The following NPNT variants were observed in gnomAD, a reference collection of about 807,000 sequenced individuals.
NPNT encodes nephronectin.
NPNT carries 45 observed loss-of-function variants against 68.6 expected under a neutral mutation model. That is an observed-to-expected ratio of 0.66 (90% CI 0.52 to 0.84). NPNT has a LOEUF of 0.84. NPNT is among the 40% of genes least tolerant of loss of function. The pLI, the probability that NPNT is intolerant of heterozygous loss-of-function variation, is 0.00. For missense variants in NPNT, 672 were observed against 714.8 expected, an observed-to-expected ratio of 0.94 and a Z score of 0.68; for synonymous variants, 233 against 253.3, an observed-to-expected ratio of 0.92 and a Z score of 0.76.
chr4:105,967,925 A>T (rs1732302997), intron 11 of NPNT, among the ~76,000 whole-genome samples: 1 of 152,120 alleles, frequency 6.6e-6, no homozygotes, highest in South Asian at 2.1e-4. Flanking sequence ...ATCACAGTTA[A>T]GCAGCGTAGG....
At chr4:105,962,085 T>C (rs550127705) in intron 10 of NPNT, among the ~76,000 whole-genome samples, 20 of 152,306 alleles carry the variant, frequency 1.3e-4, no homozygotes, top group African/African-American at 4.8e-4. Context: ...TTTTAGTGTG[T>C]AATGAAATCA....
chr4:105,907,320 G>A (rs995493277), intron 2 of NPNT, among the ~76,000 whole-genome samples: 1 of 152,114 alleles, frequency 6.6e-6, no homozygotes, highest in African/African-American at 2.4e-5. Flanking sequence ...AAAGCAAATA[G>A]TGATTTTAAA....
intron 2 of NPNT, among the ~76,000 whole-genome samples, chr4:105,922,926 T>C (rs537639583): frequency 1.3e-5 from 2 of 152,202 alleles, no homozygotes; most frequent in Non-Finnish European, 2.9e-5. Flanking sequence ...CATATTTGGA[T>C]GCTAGTGATA....
At chr4:105,928,425 C>T (rs929353218) in intron 3 of NPNT, among the ~76,000 whole-genome samples, 1 of 151,896 alleles carries the variant, frequency 6.6e-6, no homozygotes, top group African/African-American at 2.4e-5. Flanking sequence ...ACCAGCCTGA[C>T]CAACATGGAG....
chr4:105,925,040 T>G (rs1728581513), intron 2 of NPNT, among the ~76,000 whole-genome samples: 2 of 152,172 alleles, frequency 1.3e-5, no homozygotes, highest in African/African-American at 4.8e-5. Context: ...AAAAAGAATT[T>G]TTTTAAGCTG....
At position 105,895,513 on chromosome 4, in the gene NPNT, C is replaced by G; in HGVS notation, c.-140C>G. 2.9e-6 allele frequency: 2 copies of G among 681,068 alleles called. No homozygotes were observed. Among genetic ancestry groups the G allele is most frequent in the East Asian group, 3.0e-5 (1 of 33,460 alleles). The allele number at this position is 681,068 out of a possible 1,614,324, so 42.2% of individuals were successfully genotyped here. A position where few individuals can be genotyped will look rare whatever the true frequency, so the allele number is the denominator to read the frequency against. On this transcript the variant is annotated 5_prime_UTR_variant, in exon 1 of 12. Transcript: ENST00000379987. Reference sequence around the variant, plus strand: ...CGGCCGCGCGCCTCGCCGCTGTCCTCCGGGAGCGGCAGCAGTAGCCCGGGC... The same window carrying G: ...CGGCCGCGCGCCTCGCCGCTGTCCTGCGGGAGCGGCAGCAGTAGCCCGGGC...
rs907930265 is a variant in NPNT, at chr4:105,969,132, T to C, written c.*142T>C. The C allele has an allele frequency of 1.7e-6, 1 of 582,844 alleles. No homozygotes were observed. The highest frequency in any genetic ancestry group is 3.0e-6 in the Non-Finnish European group (1 of 329,988). The allele number at this position is 582,844 out of a possible 1,614,324, so 36.1% of individuals were successfully genotyped here. A position where few individuals can be genotyped will look rare whatever the true frequency, so the allele number is the denominator to read the frequency against. ...AAGGAAGTCTATTTGGTGACCCAGG[T>C]TTTTCTGGCCTGCTTTTGTGCAATC... On this transcript the variant is annotated 3_prime_UTR_variant, in exon 12 of 12. Coordinates refer to ENST00000379987, the MANE Select transcript of NPNT (RefSeq NM_001033047.3).
rs933228173 is a variant in NPNT at position 105,970,931 on chromosome 4, G to A, written c.*1941G>A. On this transcript the variant is annotated 3_prime_UTR_variant, in exon 12 of 12. Transcript: ENST00000379987. ...CTCACTGAAATATCTCTCCCTTATGGCAATCCTAGCAGTATTAAAGAAAAA... is the reference window on the plus strand; with the variant it reads ...CTCACTGAAATATCTCTCCCTTATGACAATCCTAGCAGTATTAAAGAAAAA... 1.3e-5 allele frequency: 4 copies of A among 305,664 alleles called. No individual in the cohort carries two copies. The highest frequency in any genetic ancestry group is 2.6e-5 in the Non-Finnish European group (4 of 153,838). 18.9% of individuals were successfully genotyped at this position (305,664 alleles called of 1,614,324 possible). A position where few individuals can be genotyped will look rare whatever the true frequency, so the allele number is the denominator to read the frequency against.
intron 2 of NPNT, among the ~76,000 whole-genome samples, chr4:105,903,048 C>G (rs1401130527): frequency 1.3e-5 from 2 of 152,186 alleles, no homozygotes; most frequent in Non-Finnish European, 2.9e-5. Flanking sequence ...GCAACTAGAT[C>G]TGTCCTCAAA....
chr4:105,958,580 C>T (rs914289271), intron 9 of NPNT, 23 bp downstream of exon 9: 4 of 1,267,022 alleles, frequency 3.2e-6, no homozygotes, highest in Non-Finnish European at 3.4e-6. Flanking sequence ...CTCTTAGTGC[C>T]ATCATAATGA....
intron 11 of NPNT, among the ~76,000 whole-genome samples, chr4:105,968,323 A>G (rs1221013171): frequency 2.0e-5 from 3 of 152,224 alleles, no homozygotes; most frequent in Non-Finnish European, 4.4e-5. Context: ...ATTTTAAATC[A>G]TAGCACTTAG....
At chr4:105,961,662 G>A (rs1731726773) in intron 10 of NPNT, among the ~76,000 whole-genome samples, 1 of 152,154 alleles carries the variant, frequency 6.6e-6, no homozygotes, top group African/African-American at 2.4e-5. Context: ...TTAGAAATTA[G>A]AATGGTAGAC....
chr4:105,918,323 G>C (rs879690071), intron 2 of NPNT, among the ~76,000 whole-genome samples: 18 of 152,118 alleles, frequency 1.2e-4, no homozygotes, highest in Non-Finnish European at 2.1e-4. Context: ...AGAGATTTTG[G>C]TTGCTAAAAA....
intron 8 of NPNT, among the ~76,000 whole-genome samples, chr4:105,949,712 A>G (rs1344501029): frequency 6.6e-6 from 1 of 152,232 alleles, no homozygotes; most frequent in Non-Finnish European, 1.5e-5. Flanking sequence ...AATCTTATAT[A>G]ACTATTAAAC....
intron 7 of NPNT, 37 bp from the exon 8 acceptor site, chr4:105,942,270 A>G: frequency 6.6e-7 from 1 of 1,506,500 alleles, no homozygotes; most frequent in Non-Finnish European, 9.0e-7. Flanking sequence ...TTAGGGAGGA[A>G]TGGTTACATA....
chr4:105,939,606 G>A (rs936677391), intron 5 of NPNT, among the ~76,000 whole-genome samples: 4 of 152,194 alleles, frequency 2.6e-5, no homozygotes, highest in Non-Finnish European at 5.9e-5. Flanking sequence ...TGCTTTGGAG[G>A]GGGTAAGTAA....
chr4:105,954,674 G>A (rs1731083010), intron 8 of NPNT, among the ~76,000 whole-genome samples: 1 of 152,082 alleles, frequency 6.6e-6, no homozygotes, highest in Admixed American at 6.6e-5. Flanking sequence ...CCCCCTGTAA[G>A]GTCTACAGCA....
At chr4:105,966,859 G>A (rs1417175153) in intron 10 of NPNT, among the ~76,000 whole-genome samples, 1 of 152,064 alleles carries the variant, frequency 6.6e-6, no homozygotes, top group East Asian at 1.9e-4. Flanking sequence ...ACTGGTGAGG[G>A]TCACAAGGTG....
intron 8 of NPNT, among the ~76,000 whole-genome samples, chr4:105,957,163 C>T (rs145373185): frequency 6.6e-6 from 1 of 152,246 alleles, no homozygotes; most frequent in East Asian, 1.9e-4. Flanking sequence ...TTCCCCTCAC[C>T]ACCATGAACA....
Sources: allele counts gnomAD v4.1 joint callset (sites outside exome capture counted in the v4.1 genomes callset), GRCh38; gene constraint gnomAD v4.1.1; transcripts MANE v1.5; gene names NCBI Gene and HGNC (gene_info 2026-07-23, HGNC 2026-07-21).